The following ANKRD42 variants were observed in gnomAD, a reference collection of about 807,000 sequenced individuals.
ANKRD42 encodes ankyrin repeat domain-containing protein 42.
Under a neutral mutation model 51.5 loss-of-function variants are expected in ANKRD42, and 43 were observed. The observed-to-expected ratio is 0.83, with a 90% confidence interval of 0.65 to 1.08. ANKRD42 has a LOEUF of 1.08. Ranked by LOEUF, ANKRD42 falls within the 50% of genes least tolerant of loss-of-function variation. ANKRD42 has a pLI of 0.00. For synonymous variants in ANKRD42, 203 were observed against 213.0 expected (o/e 0.95, Z 0.41); for missense variants, 608 against 629.3 (o/e 0.97, Z 0.36).
Position 83,247,588 on chromosome 11 carries a change from C to T in ANKRD42, c.1323-355C>T, listed in dbSNP as rs118130599. ...TAGCCACTGTGTATGAAATGTTAAG[C>T]CCCTCTTCCACAACATTTTATACTA... On this transcript the variant is annotated intron_variant, in intron 10 of 10. Transcript: ENST00000533342. 2.0e-3 allele frequency among the ~76,000 whole-genome samples: 311 copies of T among 152,306 alleles called. 1 individual carries two copies. The highest frequency in any genetic ancestry group is 3.6e-3 in the Non-Finnish European group (243 of 68,012).
At position 83,227,166 on chromosome 11, in the gene ANKRD42, A is replaced by T. The variant is rs150340416; in HGVS notation, c.788-581A>T. On this transcript the variant is annotated intron_variant, in intron 6 of 10. Coordinates refer to ENST00000533342, the MANE Select transcript of ANKRD42 (RefSeq NM_001300975.2). ...TCTTTATTTATTTATTTTTTTTGAG[A>T]TGGAATCTCACTCTTGGCTCACTGC... Among the ~76,000 whole-genome samples the T allele has an allele frequency of 9.1e-4, 138 of 151,996 alleles. 1 individual carries two copies. The highest frequency in any genetic ancestry group is 7.7e-3 in the South Asian group (37 of 4,812).
chr11:83,245,382 C>T, intron 9 of ANKRD42, 116 bp from the exon 10 acceptor site: 2 of 1,157,990 alleles, frequency 1.7e-6, no homozygotes, highest in Non-Finnish European at 2.4e-6. Flanking sequence ...CCACCCCCCT[C>T]TCCAAACCAT....
intron 5 of ANKRD42, among the ~76,000 whole-genome samples, chr11:83,211,685 C>T (rs1862326828): frequency 6.6e-6 from 1 of 151,232 alleles, no homozygotes. Flanking sequence ...GTGGTGTGTG[C>T]CTGTAGTCTA....
intron 8 of ANKRD42, among the ~76,000 whole-genome samples, chr11:83,240,300 G>C (rs1414818947): frequency 1.3e-5 from 2 of 152,188 alleles, no homozygotes; most frequent in African/African-American, 4.8e-5. Context: ...GCTTTGGCTT[G>C]AGGAAGGGTG....
downstream of ANKRD42, chr11:83,259,205 G>GT (rs374161626): frequency 5.1e-4 from 77 of 152,246 alleles, no homozygotes; most frequent in Middle Eastern, 3.4e-3. Flanking sequence ...TATAATTGCT[G>GT]TTTCATAGTG....
chr11:83,223,078 C>T (rs942631145), intron 5 of ANKRD42, among the ~76,000 whole-genome samples: 2 of 152,086 alleles, frequency 1.3e-5, no homozygotes, highest in African/African-American at 4.8e-5. Flanking sequence ...TGGTGAAACC[C>T]GTCTCTACTA....
At chr11:83,195,277 T>C (rs189794128) in intron 1 of ANKRD42, among the ~76,000 whole-genome samples, 1 of 152,332 alleles carries the variant, frequency 6.6e-6, no homozygotes, top group East Asian at 1.9e-4. Context: ...GCCTACTTTG[T>C]GCTCCGTCTT....
At chr11:83,201,240 A>G (rs142337202) in intron 2 of ANKRD42, among the ~76,000 whole-genome samples, 3,050 of 152,124 alleles carry the variant, frequency 0.02, 94 homozygotes, top group African/African-American at 0.07. Flanking sequence ...ATGAGTGAGA[A>G]CATGTGGTGT....
At chr11:83,228,188 A>G (rs1409001813) in intron 7 of ANKRD42, among the ~76,000 whole-genome samples, 1 of 141,856 alleles carries the variant, frequency 7.0e-6, no homozygotes, top group Non-Finnish European at 1.5e-5. Flanking sequence ...TTTTAAAATG[A>G]CCTATTAATT....
chr11:83,212,596 C>A, intron 5 of ANKRD42: 1 of 1,353,292 alleles, frequency 7.4e-7, no homozygotes, highest in Non-Finnish European at 1.0e-6. Context: ...AACAAACACA[C>A]AAAGGGGAAG....
At position 83,245,629 on chromosome 11, in the gene ANKRD42, T is replaced by C. The variant is rs1252809793; in HGVS notation, c.1322+5T>C. On this transcript the variant is annotated splice_donor_5th_base_variant and intron_variant, in intron 10 of 10. Transcript: ENST00000533342. ...AGAACAGCTTGAGTCTGAAAAGTAA[T>C]GTCCTTAAAACTTTAATGATTTGTT... 2.0e-6 allele frequency: 3 copies of C among 1,533,932 alleles called. No individual in the cohort carries two copies. Among genetic ancestry groups the C allele is most frequent in the African/African-American group, 1.4e-5 (1 of 72,688 alleles).
intron 8 of ANKRD42, among the ~76,000 whole-genome samples, chr11:83,237,089 C>T (rs1303456915): frequency 6.6e-6 from 1 of 152,094 alleles, no homozygotes; most frequent in Non-Finnish European, 1.5e-5. Context: ...TTCAGCTTCC[C>T]GTATACTTAC....
At chr11:83,216,917 C>T (rs1862557173) in intron 5 of ANKRD42, among the ~76,000 whole-genome samples, 1 of 152,186 alleles carries the variant, frequency 6.6e-6, no homozygotes, top group Admixed American at 6.5e-5. Context: ...GGCAGTCATT[C>T]TGGCTACTTC....
chr11:83,199,746 C>T (rs561719822), intron 2 of ANKRD42, among the ~76,000 whole-genome samples: 3 of 152,250 alleles, frequency 2.0e-5, no homozygotes, highest in South Asian at 4.1e-4. Flanking sequence ...ACCCCTACCA[C>T]ACACACATGA....
At chr11:83,224,820 TA>T in intron 5 of ANKRD42, 34 bp from the exon 6 acceptor site, 3 of 1,487,622 alleles carry the variant, frequency 2.0e-6, no homozygotes, top group Non-Finnish European at 2.7e-6. Context: ...TTTTAAAAAA[TA>T]AAAATTAAAT....
intron 3 of ANKRD42, among the ~76,000 whole-genome samples, chr11:83,207,411 G>A (rs1212210572): frequency 6.6e-6 from 1 of 152,198 alleles, no homozygotes; most frequent in Non-Finnish European, 1.5e-5. Context: ...AAAGCAAAAT[G>A]TATGATTAAA....
At chr11:83,205,362 A>G (rs1862030995) in intron 2 of ANKRD42, among the ~76,000 whole-genome samples, 1 of 152,216 alleles carries the variant, frequency 6.6e-6, no homozygotes, top group African/African-American at 2.4e-5. Context: ...TATTTACTTG[A>G]TAAGCCTTTT....
downstream of ANKRD42, chr11:83,257,153 A>G (rs1171715869): frequency 8.8e-6 from 3 of 340,746 alleles, no homozygotes; most frequent in Non-Finnish European, 1.2e-5. Flanking sequence ...GGTTTCAGCA[A>G]TCAAATGCAC....
Position 83,194,584 on chromosome 11 carries a change from A to G in ANKRD42, c.-87A>G. ...CGGAGAAGAGGGCCGCTGCCGCTGC[A>G]GTGGCTCGTGGGTGAGAGCAAGTGA... On this transcript the variant is annotated 5_prime_UTR_variant, in exon 1 of 11. Coordinates refer to ENST00000533342, the MANE Select transcript of ANKRD42 (RefSeq NM_001300975.2). The G allele has an allele frequency of 7.5e-7, 1 of 1,335,112 alleles. No homozygotes were observed. The highest frequency in any genetic ancestry group is 1.1e-6 in the Non-Finnish European group (1 of 938,760). 82.7% of individuals were successfully genotyped at this position (1,335,112 alleles called of 1,614,324 possible).
Sources: allele counts gnomAD v4.1 joint callset (sites outside exome capture counted in the v4.1 genomes callset), GRCh38; gene constraint gnomAD v4.1.1; transcripts MANE v1.5; gene names NCBI Gene and HGNC (gene_info 2026-07-23, HGNC 2026-07-21).